The following CNTN5 variants were observed in gnomAD, a reference collection of about 807,000 sequenced individuals.
The protein encoded by CNTN5 is contactin-5.
Under a neutral mutation model 129.1 loss-of-function variants are expected in CNTN5, and 77 were observed. That is an observed-to-expected ratio of 0.60 (90% CI 0.50 to 0.72). The LOEUF (loss-of-function observed/expected upper bound fraction) is 0.72, where lower values mean the gene tolerates loss of function less well. Ranked by LOEUF, CNTN5 falls within the 30% of genes least tolerant of loss-of-function variation. The pLI is 0.00. For missense variants in CNTN5, 1,478 were observed against 1,328.8 expected, an observed-to-expected ratio of 1.11 and a Z score of -1.75; for synonymous variants, 509 against 465.6, an observed-to-expected ratio of 1.09 and a Z score of -1.20.
At chr11:99,892,233 G>T (rs933746859) in intron 6 of CNTN5, among the ~76,000 whole-genome samples, 13 of 152,046 alleles carry the variant, frequency 8.6e-5, no homozygotes, top group Non-Finnish European at 2.9e-5. Context: ...TTAGCCCTTT[G>T]TCAGAAGGAT....
chr11:100,238,444 G>A, intron 16 of CNTN5, among the ~76,000 whole-genome samples: 1 of 144,662 alleles, frequency 6.9e-6, no homozygotes, highest in Admixed American at 7.1e-5. Flanking sequence ...GAAAGAAGAA[G>A]GAGAAGGCGA....
At chr11:100,144,431 G>A (rs1339983538) in intron 13 of CNTN5, among the ~76,000 whole-genome samples, 1 of 151,868 alleles carries the variant, frequency 6.6e-6, no homozygotes, top group Non-Finnish European at 1.5e-5. Flanking sequence ...ATGTCTGTGT[G>A]TACCCACTCT....
chr11:99,121,456 C>G (rs924786393), intron 1 of CNTN5, among the ~76,000 whole-genome samples: 5 of 152,112 alleles, frequency 3.3e-5, no homozygotes, highest in African/African-American at 1.2e-4. Flanking sequence ...CTTTCATTCC[C>G]TGTACAAAAC....
intron 13 of CNTN5, among the ~76,000 whole-genome samples, chr11:100,074,997 C>G (rs1464594717): frequency 6.6e-6 from 1 of 151,978 alleles, no homozygotes; most frequent in Non-Finnish European, 1.5e-5. Flanking sequence ...TCAACTTTGA[C>G]AAAATAGTAT....
intron 2 of CNTN5, among the ~76,000 whole-genome samples, chr11:99,345,514 C>T (rs976390201): frequency 6.6e-6 from 1 of 152,060 alleles, no homozygotes; most frequent in East Asian, 1.9e-4. Flanking sequence ...CCTTGAAGCA[C>T]CCAATGAGGA....
intron 2 of CNTN5, among the ~76,000 whole-genome samples, chr11:99,438,179 G>C (rs553477716): frequency 6.6e-6 from 1 of 152,254 alleles, no homozygotes; most frequent in African/African-American, 2.4e-5. Context: ...AATTCTGATT[G>C]AGTCAATAAA....
rs964929297 is a variant in CNTN5 at position 99,957,781 on chromosome 11, T to C, written c.877+772T>C. On this transcript the variant is annotated intron_variant, in intron 8 of 24. Coordinates refer to ENST00000524871, the MANE Select transcript of CNTN5 (RefSeq NM_014361.4). ...TTCATATGCTTGGTTTTAGAATATA[T>C]GCTGCTGGAATGTATGACCAGAGCT... Among the ~76,000 whole-genome samples the C allele has an allele frequency of 2.6e-5, 4 of 152,118 alleles. No homozygotes were observed. In the South Asian group the frequency reaches 8.3e-4, roughly 31 times the overall value.
chr11:99,752,544 G>A (rs1211864417), intron 3 of CNTN5, among the ~76,000 whole-genome samples: 1 of 152,158 alleles, frequency 6.6e-6, no homozygotes. Flanking sequence ...CATAAATGAA[G>A]TAAATGTTAT....
At chr11:100,082,888 T>G (rs181021612) in intron 13 of CNTN5, among the ~76,000 whole-genome samples, 75 of 152,202 alleles carry the variant, frequency 4.9e-4, no homozygotes, top group African/African-American at 1.7e-3. Flanking sequence ...AGAGGTTTAA[T>G]TGGCTCACAG....
At chr11:99,336,606 G>A (rs931386709) in intron 2 of CNTN5, among the ~76,000 whole-genome samples, 3 of 152,078 alleles carry the variant, frequency 2.0e-5, no homozygotes, top group Non-Finnish European at 4.4e-5. Flanking sequence ...TTGGGAGGCT[G>A]AGGTGGTCAG....
chr11:100,355,271 G>A (rs1701317284), intron 24 of CNTN5, among the ~76,000 whole-genome samples: 1 of 151,568 alleles, frequency 6.6e-6, no homozygotes, highest in African/African-American at 2.4e-5. Context: ...CATAGGCTTA[G>A]GCCTAGGTCA....
chr11:99,432,464 C>CCTTTTATTTT (rs1943419976), intron 2 of CNTN5, among the ~76,000 whole-genome samples: 2 of 116,378 alleles, frequency 1.7e-5, no homozygotes, highest in African/African-American at 3.2e-5. Flanking sequence ...TCTTTTCTTT[C>CCTTTTATTTT]CTTTTCTTTT....
chr11:99,787,348 A>G (rs895248003), intron 3 of CNTN5, among the ~76,000 whole-genome samples: 1 of 151,652 alleles, frequency 6.6e-6, no homozygotes, highest in East Asian at 1.9e-4. Flanking sequence ...GACCTGTTCA[A>G]CTCTTAACAT....
At chr11:99,099,597 C>T (rs1023072491) in intron 1 of CNTN5, among the ~76,000 whole-genome samples, 13 of 151,792 alleles carry the variant, frequency 8.6e-5, no homozygotes, top group Admixed American at 5.9e-4. Flanking sequence ...GCACTTAGCA[C>T]AGTGCTGCAC....
chr11:99,836,760 C>T (rs1460612685), intron 4 of CNTN5, among the ~76,000 whole-genome samples: 1 of 152,184 alleles, frequency 6.6e-6, no homozygotes, highest in Non-Finnish European at 1.5e-5. Context: ...GTCTCACCAA[C>T]AGTGTAAAAG....
intron 2 of CNTN5, among the ~76,000 whole-genome samples, chr11:99,511,507 A>C (rs571331509): frequency 0.053 from 8,069 of 150,844 alleles, 216 homozygotes; most frequent in South Asian, 0.071. Flanking sequence ...TGCTGAAAAG[A>C]ATGTATATTC....
chr11:99,191,380 T>C (rs1858634901), intron 1 of CNTN5, among the ~76,000 whole-genome samples: 1 of 151,766 alleles, frequency 6.6e-6, no homozygotes, highest in East Asian at 1.9e-4. Flanking sequence ...TTTCCTTCAA[T>C]TTCTTGGAAG....
intron 10 of CNTN5, among the ~76,000 whole-genome samples, chr11:100,065,841 A>C (rs932904361): frequency 1.3e-5 from 2 of 152,114 alleles, no homozygotes; most frequent in Non-Finnish European, 2.9e-5. Flanking sequence ...CCTTGCCATT[A>C]GTTTTTGTTC....
intron 1 of CNTN5, among the ~76,000 whole-genome samples, chr11:99,134,792 A>C (rs958141351): frequency 6.6e-6 from 1 of 152,230 alleles, no homozygotes; most frequent in Non-Finnish European, 1.5e-5. Context: ...GGAACAATGC[A>C]CAGCCAACAT....
Sources: allele counts gnomAD v4.1 joint callset (sites outside exome capture counted in the v4.1 genomes callset), GRCh38; gene constraint gnomAD v4.1.1; transcripts MANE v1.5; gene names NCBI Gene and HGNC (gene_info 2026-07-23, HGNC 2026-07-21).